Variants in ZC4H2 observed in about 807,000 individuals in gnomAD.
ZC4H2 encodes zinc finger C4H2 domain-containing protein.
For synonymous variants in ZC4H2, 84 were observed against 66.3 expected (o/e 1.27, Z -1.30); for missense variants, 137 against 173.9 (o/e 0.79, Z 1.19).
At chrX:65,022,208 G>A (rs1394815614) in intron 1 of ZC4H2, among the ~76,000 whole-genome samples, 2 of 111,438 alleles carry the variant, frequency 1.8e-5, no homozygotes, top group Non-Finnish European at 3.8e-5. Context: ...CCAAAACCTG[G>A]CAGAGACACA....
chrX:65,018,804 G>A (rs977740476), intron 1 of ZC4H2, among the ~76,000 whole-genome samples: 1 of 111,603 alleles, frequency 9.0e-6, no homozygotes, highest in Non-Finnish European at 1.9e-5. Flanking sequence ...CTCACTGCCA[G>A]TACAGCAGTC....
intron 1 of ZC4H2, among the ~76,000 whole-genome samples, chrX:64,933,226 T>C (rs1361141230): frequency 8.9e-6 from 1 of 111,933 alleles, no homozygotes; most frequent in Non-Finnish European, 1.9e-5. Flanking sequence ...TTTTTTCCTT[T>C]ATGATATCTA....
chrX:65,014,402 G>C (rs1005630480), intron 1 of ZC4H2, among the ~76,000 whole-genome samples: 2 of 111,527 alleles, frequency 1.8e-5, no homozygotes, highest in Non-Finnish European at 3.8e-5. Context: ...TGGAGCTATG[G>C]TTCCCATGGT....
chrX:64,961,373 C>T (rs1257393668), intron 1 of ZC4H2, among the ~76,000 whole-genome samples: 1 of 111,401 alleles, frequency 9.0e-6, no homozygotes, highest in Non-Finnish European at 1.9e-5. Context: ...TTTTTCTAAA[C>T]TAAGAAATTT....
intron 1 of ZC4H2, among the ~76,000 whole-genome samples, chrX:64,961,268 G>A (rs1328663057): frequency 1.8e-5 from 2 of 111,431 alleles, no homozygotes; most frequent in African/African-American, 6.5e-5. Context: ...ACAATTTGCT[G>A]ATACTGTTTA....
At chrX:64,993,479 T>C (rs892358802) in intron 1 of ZC4H2, among the ~76,000 whole-genome samples, 1 of 111,521 alleles carries the variant, frequency 9.0e-6, no homozygotes, top group African/African-American at 3.3e-5. Context: ...GTCAGTGTTC[T>C]TATAAAAGAG....
chrX:64,947,132 T>C (rs922990671), intron 1 of ZC4H2, among the ~76,000 whole-genome samples: 2 of 112,464 alleles, frequency 1.8e-5, no homozygotes, highest in South Asian at 7.4e-4. Flanking sequence ...CAAGCGTGTG[T>C]AGATTTTTCT....
At chrX:64,959,939 C>T (rs1355653245) in intron 1 of ZC4H2, among the ~76,000 whole-genome samples, 1 of 111,236 alleles carries the variant, frequency 9.0e-6, no homozygotes, top group Non-Finnish European at 1.9e-5. Flanking sequence ...ATAACCTTGA[C>T]TTTCACTTCT....
intron 1 of ZC4H2, among the ~76,000 whole-genome samples, chrX:64,989,176 G>T (rs778748568): frequency 3.4e-4 from 38 of 111,607 alleles, no homozygotes; most frequent in African/African-American, 1.1e-3. Context: ...TTGTTCTTTT[G>T]GCTTAGGATT....
chrX:64,985,657 G>C (rs1166920290), intron 1 of ZC4H2, among the ~76,000 whole-genome samples: 1 of 111,375 alleles, frequency 9.0e-6, no homozygotes, highest in Non-Finnish European at 1.9e-5. Flanking sequence ...AGTAAACTCT[G>C]GGATAATGTA....
chrX:64,954,336 AT>A (rs1931040873), intron 1 of ZC4H2, among the ~76,000 whole-genome samples: 5 of 74,973 alleles, frequency 6.7e-5, no homozygotes, highest in Admixed American at 6.5e-4. Flanking sequence ...ATATATATAT[AT>A]AATTATATAT....
intron 1 of ZC4H2, among the ~76,000 whole-genome samples, chrX:64,946,666 T>G (rs188580934): frequency 2.1e-4 from 23 of 111,287 alleles, no homozygotes; most frequent in Admixed American, 1.9e-3. Flanking sequence ...GTTTTATATA[T>G]ATGAAATATA....
intron 1 of ZC4H2, among the ~76,000 whole-genome samples, chrX:64,928,673 T>TTCTTCC (rs1929562868): frequency 1.9e-5 from 2 of 104,491 alleles, no homozygotes; most frequent in African/African-American, 7.0e-5. Flanking sequence ...CTTCTTCTTC[T>TTCTTCC]TCTTCTTCTT....
intron 1 of ZC4H2, among the ~76,000 whole-genome samples, chrX:64,958,192 C>A (rs1310271188): frequency 8.9e-6 from 1 of 112,099 alleles, no homozygotes; most frequent in African/African-American, 3.2e-5. Flanking sequence ...ATTTTATATG[C>A]TAGACTTTTA....
chrX:64,951,061 G>GT (rs936613028), intron 1 of ZC4H2, among the ~76,000 whole-genome samples: 1 of 110,776 alleles, frequency 9.0e-6, no homozygotes, highest in African/African-American at 3.3e-5. Flanking sequence ...GCGGTGTTTG[G>GT]TTTTTTGTCC....
At chrX:64,937,877 G>C (rs1175352906) in intron 1 of ZC4H2, among the ~76,000 whole-genome samples, 3 of 111,341 alleles carry the variant, frequency 2.7e-5, no homozygotes, top group Non-Finnish European at 3.8e-5. Flanking sequence ...AAAAGAACTA[G>C]AGAAGCAAGA....
intron 1 of ZC4H2, among the ~76,000 whole-genome samples, chrX:64,996,455 AT>A (rs1267636178): frequency 2.7e-5 from 3 of 111,559 alleles, no homozygotes; most frequent in African/African-American, 9.7e-5. Context: ...GTCACAAAAA[AT>A]AAACAGGAAA....
At chrX:64,955,171 C>T (rs1931104962) in intron 1 of ZC4H2, among the ~76,000 whole-genome samples, 1 of 111,569 alleles carries the variant, frequency 9.0e-6, no homozygotes, top group South Asian at 3.7e-4. Flanking sequence ...TTTGTCACAC[C>T]CATATTCCTG....
Position 64,927,797 on chromosome X carries a change from A to G in ZC4H2, c.54-5809T>C, listed in dbSNP as rs766467188. 6.2e-5 allele frequency among the ~76,000 whole-genome samples: 7 copies of G among 112,336 alleles called. No individual in the cohort carries two copies. The South Asian group carries it at 2.6e-3, about 42-fold the overall frequency. On this transcript the variant is annotated intron_variant, in intron 1 of 4. Coordinates refer to ENST00000374839, the MANE Select transcript of ZC4H2 (RefSeq NM_018684.4). ...TCCACATAATCAGCATCTGTTGTTT[A>G]CAGACTTTTTAATGATCACCATTCT...
Sources: gnomAD v4.1 joint callset for allele counts (sites outside exome capture counted in the v4.1 genomes callset) on GRCh38, gnomAD v4.1.1 for gene constraint, MANE v1.5 for transcripts, NCBI Gene and HGNC (gene_info 2026-07-23, HGNC 2026-07-21) for gene names.